LRP1B: variants seen among roughly 807,000 people sequenced by gnomAD.
LRP1B encodes the protein LDL receptor related protein 1B, also known as low-density lipoprotein receptor-related protein 1B.
Under a neutral mutation model 556.6 loss-of-function variants are expected in LRP1B, and 217 were observed. The ratio of observed to expected loss-of-function variants is 0.39; its 90% CI spans 0.35 to 0.44. The LOEUF (loss-of-function observed/expected upper bound fraction) is 0.44, where lower values mean the gene tolerates loss of function less well. LRP1B is among the 20% of genes least tolerant of loss of function. The pLI is 1.00. For synonymous variants in LRP1B, 2,047 were observed against 1,865.8 expected, an observed-to-expected ratio of 1.10 and a Z score of -2.50; for missense variants, 5,053 against 5,620.8, an observed-to-expected ratio of 0.90 and a Z score of 3.23.
chr2:141,219,746 G>A (rs974073995), intron 6 of LRP1B, among the ~76,000 whole-genome samples: 2 of 152,108 alleles, frequency 1.3e-5, no homozygotes, highest in African/African-American at 4.8e-5. Context: ...AGCCATCTTT[G>A]CTGTTCTGTA....
chr2:140,306,049 G>T (rs1684050256), intron 83 of LRP1B, among the ~76,000 whole-genome samples: 1 of 135,998 alleles, frequency 7.4e-6, no homozygotes, highest in African/African-American at 2.5e-5. Context: ...GCTGGATTTG[G>T]TTTGCCAGTA....
intron 2 of LRP1B, among the ~76,000 whole-genome samples, chr2:141,638,564 G>A (rs1286926828): frequency 8.4e-6 from 1 of 118,876 alleles, no homozygotes; most frequent in Admixed American, 8.3e-5. Flanking sequence ...ACCAAATGGA[G>A]CTTCGGGAAA....
intron 77 of LRP1B, among the ~76,000 whole-genome samples, chr2:140,346,194 T>C (rs961046714): frequency 1.1e-4 from 16 of 151,722 alleles, no homozygotes; most frequent in African/African-American, 3.9e-4. Context: ...TGGGTATGAA[T>C]GAATACATTT....
intron 14 of LRP1B, among the ~76,000 whole-genome samples, chr2:141,008,881 T>A (rs1697656062): frequency 6.6e-6 from 1 of 151,826 alleles, no homozygotes; most frequent in Non-Finnish European, 1.5e-5. Flanking sequence ...AGAATGGGAG[T>A]AAAGACACAA....
intron 41 of LRP1B, among the ~76,000 whole-genome samples, chr2:140,667,347 A>AT (rs764425685): frequency 6.6e-6 from 1 of 152,186 alleles, no homozygotes; most frequent in Non-Finnish European, 1.5e-5. Flanking sequence ...GAGTTGAACC[A>AT]TTTAAGTTTC....
At chr2:141,909,526 A>T (rs113242331) in intron 1 of LRP1B, among the ~76,000 whole-genome samples, 14 of 93,392 alleles carry the variant, frequency 1.5e-4, no homozygotes, top group African/African-American at 3.7e-4. Context: ...GGTCTCAGAC[A>T]TTTTTTTTTT....
At chr2:141,245,121 A>C (rs910772576) in intron 5 of LRP1B, among the ~76,000 whole-genome samples, 1 of 152,158 alleles carries the variant, frequency 6.6e-6, no homozygotes, top group African/African-American at 2.4e-5. Flanking sequence ...AGAAACAGCA[A>C]ATAACAAGCC....
intron 82 of LRP1B, among the ~76,000 whole-genome samples, chr2:140,319,688 A>T (rs12692048): frequency 6.6e-6 from 1 of 151,710 alleles, no homozygotes; most frequent in African/African-American, 2.4e-5. Context: ...CTTAATACCT[A>T]GGTGATACTT....
intron 7 of LRP1B, among the ~76,000 whole-genome samples, chr2:141,073,229 T>C (rs1279215391): frequency 6.6e-6 from 1 of 152,112 alleles, no homozygotes; most frequent in Non-Finnish European, 1.5e-5. Context: ...AAATTTACCA[T>C]TCAAATTTTT....
chr2:141,775,071 T>C lies in LRP1B; in HGVS notation c.205+35208A>G, dbSNP rs541757102. ...AATGACAGTCTTAATATCTGTGCTA[T>C]GTTGAAAATCACATAACATGTAGGA... is the stretch of plus-strand genomic sequence containing the variant. On this transcript the variant is annotated intron_variant, in intron 2 of 90. Coordinates refer to ENST00000389484, the MANE Select transcript of LRP1B (RefSeq NM_018557.3). Among the ~76,000 whole-genome samples the C allele has an allele frequency of 3.3e-5, 5 of 152,364 alleles. No homozygotes were observed. In the East Asian group the frequency reaches 9.7e-4, roughly 29 times the overall value.
chr2:140,989,454 A>G, intron 17 of LRP1B, 78 bp downstream of exon 17: 1 of 1,520,132 alleles, frequency 6.6e-7, no homozygotes. Context: ...AGTTCAGCTT[A>G]GTTCAAAGCA....
chr2:140,358,177 T>C, intron 73 of LRP1B, 61 bp from the exon 74 acceptor site: 1 of 1,476,132 alleles, frequency 6.8e-7, no homozygotes, highest in Non-Finnish European at 9.2e-7. Context: ...TTATTGAGCA[T>C]GTAATAGCTC....
chr2:140,696,071 C>T (rs1686419982), intron 41 of LRP1B, among the ~76,000 whole-genome samples: 2 of 152,034 alleles, frequency 1.3e-5, no homozygotes, highest in South Asian at 4.1e-4. Flanking sequence ...ATACTTAAAA[C>T]ATGAATACTT....
At chr2:140,926,196 T>C (rs1432391814) in intron 20 of LRP1B, among the ~76,000 whole-genome samples, 4 of 151,946 alleles carry the variant, frequency 2.6e-5, no homozygotes, top group Non-Finnish European at 5.9e-5. Context: ...AAATATAATA[T>C]TGTGAACTTT....
chr2:140,872,142 T>G (rs926475737), intron 25 of LRP1B, among the ~76,000 whole-genome samples: 1 of 151,348 alleles, frequency 6.6e-6, no homozygotes, highest in Non-Finnish European at 1.5e-5. Context: ...TTCTGTTTTC[T>G]TTATTTACTT....
intron 3 of LRP1B, among the ~76,000 whole-genome samples, chr2:141,383,408 A>G (rs554479204): frequency 6.6e-6 from 1 of 152,298 alleles, no homozygotes; most frequent in South Asian, 2.1e-4. Context: ...GATATCAACA[A>G]TTTCACATTC....
At chr2:140,309,062 C>T (rs1358424047) in intron 83 of LRP1B, among the ~76,000 whole-genome samples, 2 of 151,792 alleles carry the variant, frequency 1.3e-5, no homozygotes, top group Admixed American at 1.3e-4. Flanking sequence ...TAAAAAAATG[C>T]TAGTCTTTTC....
chr2:141,911,184 C>G (rs1173181550), intron 1 of LRP1B, among the ~76,000 whole-genome samples: 2 of 152,010 alleles, frequency 1.3e-5, no homozygotes, highest in Non-Finnish European at 2.9e-5. Flanking sequence ...TGGCTTAAAA[C>G]CCTAAGCTAT....
chr2:141,639,900 G>A (rs565981898), intron 2 of LRP1B, among the ~76,000 whole-genome samples: 1 of 152,144 alleles, frequency 6.6e-6, no homozygotes, highest in African/African-American at 2.4e-5. Context: ...TACACCCTAA[G>A]GCCTGCCTTG....
Sources: gnomAD v4.1 joint callset for allele counts (sites outside exome capture counted in the v4.1 genomes callset) on GRCh38, gnomAD v4.1.1 for gene constraint, MANE v1.5 for transcripts, NCBI Gene and HGNC (gene_info 2026-07-23, HGNC 2026-07-21) for gene names.